SCFD2: variants seen among roughly 807,000 people sequenced by gnomAD.
SCFD2 encodes sec1 family domain containing 2.
A neutral mutation model predicts 58.9 loss-of-function variants in SCFD2; 54 were observed. That is an observed-to-expected ratio of 0.92 (90% confidence interval 0.74 to 1.15). SCFD2 has a LOEUF of 1.15. Ranked by LOEUF, SCFD2 falls within the 50% of genes most tolerant of loss-of-function variation. SCFD2 has a pLI of 0.00. For missense variants in SCFD2, 805 were observed against 836.6 expected (o/e 0.96, Z 0.47); for synonymous variants, 321 against 335.9 (o/e 0.96, Z 0.49).
chr4:53,306,294 G>A (rs1311754341), intron 3 of SCFD2, among the ~76,000 whole-genome samples: 2 of 152,118 alleles, frequency 1.3e-5, no homozygotes, highest in African/African-American at 4.8e-5. Context: ...GAGATACAAA[G>A]ATATCTACAA....
intron 4 of SCFD2, among the ~76,000 whole-genome samples, chr4:53,250,232 A>T (rs925104895): frequency 2.6e-5 from 4 of 152,246 alleles, no homozygotes; most frequent in African/African-American, 7.2e-5. Flanking sequence ...AAAGGGATCA[A>T]TGCAACAAGA....
chr4:52,907,426 A>G, intron 7 of SCFD2, 31 bp downstream of exon 7: 7 of 1,608,752 alleles, frequency 4.4e-6, no homozygotes, highest in Non-Finnish European at 6.0e-6. Context: ...ACATTTCTAC[A>G]CTCAGGATTA....
At chr4:53,234,810 C>G (rs1400202567) in intron 4 of SCFD2, among the ~76,000 whole-genome samples, 8 of 152,148 alleles carry the variant, frequency 5.3e-5, no homozygotes, top group Non-Finnish European at 8.8e-5. Context: ...AATATTGCAA[C>G]AAAAGGTGAC....
chr4:53,164,650 C>T (rs1473842066), intron 4 of SCFD2, among the ~76,000 whole-genome samples: 6 of 151,770 alleles, frequency 4.0e-5, no homozygotes, highest in African/African-American at 1.5e-4. Context: ...AAAAATTAGC[C>T]GGGTGTGGTG....
intron 2 of SCFD2, among the ~76,000 whole-genome samples, chr4:53,317,740 T>A (rs1732908154): frequency 6.6e-6 from 1 of 152,128 alleles, no homozygotes; most frequent in Admixed American, 6.5e-5. Context: ...CAAGGTGCCA[T>A]TTTGCCACCT....
At chr4:52,967,665 C>A (rs1348798751) in intron 5 of SCFD2, among the ~76,000 whole-genome samples, 1 of 152,146 alleles carries the variant, frequency 6.6e-6, no homozygotes, top group African/African-American at 2.4e-5. Context: ...ACCACAAATG[C>A]ACATATTTCC....
intron 5 of SCFD2, among the ~76,000 whole-genome samples, chr4:53,073,850 A>T (rs1723894985): frequency 6.6e-6 from 1 of 152,206 alleles, no homozygotes; most frequent in African/African-American, 2.4e-5. Context: ...ATCGCTAAAA[A>T]TGCTAATGAT....
Position 52,960,524 on chromosome 4 carries a change from A to T in SCFD2, c.1562-39654T>A, listed in dbSNP as rs184227932. ...GCTAGGATTATAGGCATACACCACCATGCCCAGCTAATTTTGTATTTTTTA... is the reference window on the plus strand; with the variant it reads ...GCTAGGATTATAGGCATACACCACCTTGCCCAGCTAATTTTGTATTTTTTA... On this transcript the variant is annotated intron_variant, in intron 5 of 8. Coordinates refer to ENST00000401642, the MANE Select transcript of SCFD2 (RefSeq NM_152540.4). Among the ~76,000 whole-genome samples, 16 of 152,042 alleles carry T rather than the reference A, an allele frequency of 1.1e-4. 1 individual carries two copies. In the East Asian group the frequency reaches 1.9e-3, roughly 18 times the overall value.
chr4:52,987,028 AT>A (rs1177420773), intron 5 of SCFD2, among the ~76,000 whole-genome samples: 1 of 151,440 alleles, frequency 6.6e-6, no homozygotes. Flanking sequence ...GTTTGAAAGG[AT>A]TTTTTTTATT....
intron 4 of SCFD2, among the ~76,000 whole-genome samples, chr4:53,259,447 T>G (rs1730761839): frequency 6.6e-6 from 1 of 152,244 alleles, no homozygotes; most frequent in Admixed American, 6.5e-5. Flanking sequence ...GGCTTTCCAA[T>G]TATCCCAGCA....
In SCFD2 at chr4:53,365,606, G is replaced by A; in HGVS notation, c.336C>T (p.His112=). ...CCGCTGGGACATGATTAGCTGTGAG[G>A]TGGACAGCGTGGCTCACGGTTGTGA... ...VVVTTVSHAV[H]LTANHVPAAA... is the part of the protein sequence containing the mutation. Residue 112 remains histidine, a synonymous_variant, in exon 1 of 9, where the codon CAC becomes CAT. Transcript: ENST00000401642. The surrounding 1 kb of genome is among the most constrained non-coding windows in gnomAD (Gnocchi z 4.3). 1.2e-6 allele frequency: 2 copies of A among 1,614,230 alleles called. No individual in the cohort carries two copies. The highest frequency in any genetic ancestry group is 1.1e-5 in the South Asian group (1 of 91,088).
rs1386133923 is a variant in SCFD2, at chr4:53,129,330, C to T, written c.1561+16003G>A. Among the ~76,000 whole-genome samples the T allele has an allele frequency of 2.6e-5, 4 of 152,188 alleles. No individual in the cohort carries two copies. In the East Asian group the frequency reaches 7.7e-4, roughly 29 times the overall value. ...ATGAAAATTAATACTCCACTTGGGA[C>T]CAATTCAGTCCAGGTGCTAAAGACA... is the stretch of plus-strand genomic sequence containing the variant. On this transcript the variant is annotated intron_variant, in intron 5 of 8. Transcript: ENST00000401642.
intron 3 of SCFD2, among the ~76,000 whole-genome samples, chr4:53,307,127 A>G (rs1406403700): frequency 6.6e-6 from 1 of 152,248 alleles, no homozygotes; most frequent in East Asian, 1.9e-4. Flanking sequence ...AGAGGCACAG[A>G]TATAGAGGGG....
At chr4:53,174,985 T>C (rs1292404597) in intron 4 of SCFD2, among the ~76,000 whole-genome samples, 5 of 152,178 alleles carry the variant, frequency 3.3e-5, no homozygotes, top group Non-Finnish European at 5.9e-5. Flanking sequence ...ATATTGACTA[T>C]AGAAAGTCTT....
chr4:53,122,039 TA>T (rs1725493201), intron 5 of SCFD2, among the ~76,000 whole-genome samples: 1 of 152,140 alleles, frequency 6.6e-6, no homozygotes. Flanking sequence ...ACCTAAGGAA[TA>T]AACTTCCCCA....
At chr4:53,215,243 C>T (rs1410034739) in intron 4 of SCFD2, among the ~76,000 whole-genome samples, 3 of 152,074 alleles carry the variant, frequency 2.0e-5, no homozygotes, top group African/African-American at 4.8e-5. Flanking sequence ...TTACCTTGGG[C>T]AATATGGCCA....
intron 5 of SCFD2, 83 bp downstream of exon 5, chr4:53,145,250 C>T: frequency 6.6e-7 from 1 of 1,506,670 alleles, no homozygotes; most frequent in East Asian, 2.3e-5. Flanking sequence ...ATGGTTACCT[C>T]CTCTTCCCAA....
intron 7 of SCFD2, among the ~76,000 whole-genome samples, chr4:52,900,235 C>T (rs1025050818): frequency 6.6e-5 from 10 of 152,078 alleles, no homozygotes; most frequent in Admixed American, 5.2e-4. Context: ...TCTGATTTTT[C>T]GAGTTTCTGG....
Position 53,365,477 on chromosome 4 carries a change from A to T in SCFD2, c.465T>A (p.His155Gln). The T allele has an allele frequency of 1.2e-6, 2 of 1,614,178 alleles. No individual in the cohort carries two copies. The highest frequency in any genetic ancestry group is 1.7e-6 in the Non-Finnish European group (2 of 1,180,018). The part of the protein sequence containing the change: ...GNMNYTAEVF[H>Q]VPLLLAPVAP... ...CAACAGGGGCAAGCAATAACGGGAC[A>T]TGGAACACCTCGGCCGTGTAGTTCA... Residue 155 changes from histidine (H) to glutamine (Q), a missense_variant, in exon 1 of 9, where the codon CAT becomes CAA. Around this residue, in one of 3 missense-constraint regions of SCFD2, gnomAD observed 633 missense variants for 646.8 expected, o/e 0.98. Transcript: ENST00000401642. This position sits in a 1 kb window ranked among gnomAD's most constrained non-coding sequence, Gnocchi z 4.3.
Sources: gnomAD v4.1 joint callset for allele counts (sites outside exome capture counted in the v4.1 genomes callset) on GRCh38, gnomAD v4.1.1 for gene constraint, gnomAD v4.1.1 regional missense constraint, Gnocchi (gnomAD v3.1) non-coding constraint, MANE v1.5 for transcripts, NCBI Gene and HGNC (gene_info 2026-07-23, HGNC 2026-07-21) for gene names.